The following CDKAL1 variants were observed in gnomAD, a reference collection of about 807,000 sequenced individuals.
The protein encoded by CDKAL1 is CDKAL1 threonylcarbamoyladenosine tRNA methylthiotransferase.
Under a neutral mutation model 68.2 loss-of-function variants are expected in CDKAL1, and 32 were observed. The observed-to-expected ratio is 0.47, with a 90% confidence interval of 0.35 to 0.63. The LOEUF (loss-of-function observed/expected upper bound fraction) is 0.63. Ranked by LOEUF, CDKAL1 falls within the 30% of genes least tolerant of loss-of-function variation. The pLI, the probability that CDKAL1 is intolerant of heterozygous loss-of-function variation, is 0.00. For missense variants in CDKAL1, 606 were observed against 696.7 expected, an observed-to-expected ratio of 0.87 and a Z score of 1.47; for synonymous variants, 234 against 244.3, an observed-to-expected ratio of 0.96 and a Z score of 0.39.
intron 10 of CDKAL1, among the ~76,000 whole-genome samples, chr6:20,998,217 A>C (rs548071000): frequency 3.7e-4 from 57 of 152,336 alleles, no homozygotes; most frequent in African/African-American, 1.3e-3. Flanking sequence ...AGAACCTGAA[A>C]GGCAGAGTAT....
intron 15 of CDKAL1, among the ~76,000 whole-genome samples, chr6:21,220,203 T>TGC (rs1779487879): frequency 8.0e-6 from 1 of 124,372 alleles, no homozygotes; most frequent in Non-Finnish European, 1.5e-5. Context: ...CGTGCGTGCG[T>TGC]GTGTGTGTGT....
At chr6:20,922,603 A>G (rs1002832141) in intron 9 of CDKAL1, among the ~76,000 whole-genome samples, 2 of 152,214 alleles carry the variant, frequency 1.3e-5, no homozygotes, top group East Asian at 1.9e-4. Flanking sequence ...TACTTTCCCT[A>G]TGCATTGCAA....
chr6:21,217,948 C>G (rs12111402), intron 15 of CDKAL1, among the ~76,000 whole-genome samples: 7,013 of 152,246 alleles, frequency 0.046, 523 homozygotes, highest in African/African-American at 0.16. Flanking sequence ...AGTCTAGAGT[C>G]AATTATATGT....
chr6:21,044,175 C>G (rs924510853), intron 11 of CDKAL1, among the ~76,000 whole-genome samples: 3 of 152,078 alleles, frequency 2.0e-5, no homozygotes, highest in African/African-American at 7.2e-5. Context: ...TTTATCTTCT[C>G]TAAGGCCCAT....
At chr6:20,996,294 C>G (rs915030329) in intron 10 of CDKAL1, among the ~76,000 whole-genome samples, 1 of 152,212 alleles carries the variant, frequency 6.6e-6, no homozygotes, top group Non-Finnish European at 1.5e-5. Context: ...CCTTCAAGAA[C>G]TTTTCCTTTG....
At chr6:20,765,145 C>CTTTT (rs573930548) in intron 7 of CDKAL1, among the ~76,000 whole-genome samples, 3 of 28,892 alleles carry the variant, frequency 1.0e-4, no homozygotes, top group Admixed American at 4.5e-4. Flanking sequence ...TGGTTACATT[C>CTTTT]TTTTTTTTTT....
At chr6:20,959,864 G>A (rs1212990814) in intron 10 of CDKAL1, among the ~76,000 whole-genome samples, 2 of 152,122 alleles carry the variant, frequency 1.3e-5, no homozygotes, top group Admixed American at 1.3e-4. Flanking sequence ...TGTCCTCCTA[G>A]TGATAGGTAG....
chr6:20,605,047 A>C (rs1353268245), intron 4 of CDKAL1, among the ~76,000 whole-genome samples: 2 of 151,026 alleles, frequency 1.3e-5, no homozygotes, highest in Non-Finnish European at 3.0e-5. Context: ...CTACTGAGCA[A>C]ATACTCAGAA....
chr6:20,752,075 TC>T (rs375254785), intron 6 of CDKAL1, among the ~76,000 whole-genome samples: 7 of 151,576 alleles, frequency 4.6e-5, no homozygotes, highest in African/African-American at 1.5e-4. Flanking sequence ...TCCGCGTAAC[TC>T]CCCCTCCCCT....
At chr6:20,650,511 C>T (rs1007961571) in intron 5 of CDKAL1, among the ~76,000 whole-genome samples, 9 of 152,046 alleles carry the variant, frequency 5.9e-5, no homozygotes, top group East Asian at 1.9e-4. Flanking sequence ...TATAGGTTGT[C>T]TGTTCACTCT....
chr6:20,924,684 T>C (rs759336416), intron 9 of CDKAL1, among the ~76,000 whole-genome samples: 1 of 152,188 alleles, frequency 6.6e-6, no homozygotes, highest in African/African-American at 2.4e-5. Context: ...GAAGAAAAGT[T>C]TGAAGCTAGC....
intron 12 of CDKAL1, among the ~76,000 whole-genome samples, chr6:21,070,967 ATTT>A (rs1214642828): frequency 1.3e-5 from 2 of 152,214 alleles, no homozygotes; most frequent in Non-Finnish European, 2.9e-5. Context: ...ATACATTAAA[ATTT>A]GTGAAGCACT....
intron 9 of CDKAL1, among the ~76,000 whole-genome samples, chr6:20,852,045 AT>A (rs1199501907): frequency 3.9e-5 from 6 of 152,288 alleles, no homozygotes; most frequent in Non-Finnish European, 7.4e-5. Flanking sequence ...GCTGTATTCA[AT>A]TGAGAAATGC....
chr6:21,038,560 C>A (rs571315766), intron 11 of CDKAL1, among the ~76,000 whole-genome samples: 4 of 152,244 alleles, frequency 2.6e-5, no homozygotes, highest in South Asian at 2.1e-4. Flanking sequence ...ATGGTCATTC[C>A]TTTTTTCTTA....
At chr6:20,656,042 T>A (rs1388612091) in intron 5 of CDKAL1, among the ~76,000 whole-genome samples, 1 of 152,330 alleles carries the variant, frequency 6.6e-6, no homozygotes, top group East Asian at 1.9e-4. Context: ...AGATTCCATT[T>A]GTATTCCTGT....
At chr6:20,813,647 G>A (rs928842449) in intron 8 of CDKAL1, among the ~76,000 whole-genome samples, 2 of 152,088 alleles carry the variant, frequency 1.3e-5, no homozygotes, top group African/African-American at 4.8e-5. Flanking sequence ...AAGAGTTGAG[G>A]TGCTTTCTTT....
chr6:20,903,371 A>C (rs1387289133), intron 9 of CDKAL1, among the ~76,000 whole-genome samples: 3 of 152,222 alleles, frequency 2.0e-5, no homozygotes, highest in Non-Finnish European at 2.9e-5. Context: ...GCACATGTTC[A>C]TTACTTTACT....
At chr6:21,148,030 T>G (rs541866118) in intron 13 of CDKAL1, among the ~76,000 whole-genome samples, 1 of 152,346 alleles carries the variant, frequency 6.6e-6, no homozygotes, top group South Asian at 2.1e-4. Flanking sequence ...GTGTATTTCC[T>G]TCCTCATAGA....
intron 9 of CDKAL1, among the ~76,000 whole-genome samples, chr6:20,945,169 T>A (rs1418387532): frequency 6.6e-6 from 1 of 152,124 alleles, no homozygotes; most frequent in African/African-American, 2.4e-5. Context: ...TAAGGCTATT[T>A]TAACTAACCC....
Sources: gnomAD v4.1 joint callset for allele counts (sites outside exome capture counted in the v4.1 genomes callset) on GRCh38, gnomAD v4.1.1 for gene constraint, MANE v1.5 for transcripts, NCBI Gene and HGNC (gene_info 2026-07-23, HGNC 2026-07-21) for gene names.